Variants in EMCN observed in about 807,000 individuals in gnomAD.
EMCN encodes endomucin, also known as MUC-14.
Under a neutral mutation model 38.4 loss-of-function variants are expected in EMCN, and 37 were observed. The observed-to-expected ratio is 0.96, with a 90% CI of 0.74 to 1.27. The LOEUF (loss-of-function observed/expected upper bound fraction) is 1.27, where lower values mean the gene tolerates loss of function less well. Among genes scored for constraint, EMCN ranks in the 50% most tolerant of loss-of-function variants. EMCN has a pLI of 0.00. For missense variants in EMCN, 318 were observed against 302.8 expected (o/e 1.05, Z -0.37); for synonymous variants, 95 against 100.8 (o/e 0.94, Z 0.35).
Position 100,437,754 on chromosome 4 carries a change from C to G in EMCN, c.415+9779G>C, listed in dbSNP as rs1162579580. 3.3e-5 allele frequency among the ~76,000 whole-genome samples: 5 copies of G among 152,008 alleles called. No homozygotes were observed. In the South Asian group the frequency reaches 1.0e-3, roughly 31 times the overall value. On this transcript the variant is annotated intron_variant, in intron 5 of 11. Coordinates refer to ENST00000296420, the MANE Select transcript of EMCN (RefSeq NM_016242.4). ...TTTCCGGGATCTTTATTCTGTTTCACTGGTCTATGTGTCTGTTTTTATGCC... is the reference window on the plus strand; with the variant it reads ...TTTCCGGGATCTTTATTCTGTTTCAGTGGTCTATGTGTCTGTTTTTATGCC...
At chr4:100,462,475 T>C (rs357654) in intron 4 of EMCN, among the ~76,000 whole-genome samples, 124,441 of 152,098 alleles carry the variant, frequency 0.82, 52,309 homozygotes, top group South Asian at 0.96. Flanking sequence ...TGAATGACAT[T>C]TTCTTCCTCA....
chr4:100,402,369 G>A (rs539177140), intron 11 of EMCN, among the ~76,000 whole-genome samples: 1 of 152,010 alleles, frequency 6.6e-6, no homozygotes, highest in Admixed American at 6.6e-5. Context: ...GTTTCATGAG[G>A]GTTCAAGACT....
chr4:100,408,772 G>A (rs1032953674), intron 11 of EMCN, among the ~76,000 whole-genome samples: 1 of 152,106 alleles, frequency 6.6e-6, no homozygotes, highest in Non-Finnish European at 1.5e-5. Context: ...AGGGACCTTG[G>A]CATGCCACTC....
At chr4:100,432,334 T>C (rs575395473) in intron 5 of EMCN, among the ~76,000 whole-genome samples, 2 of 152,198 alleles carry the variant, frequency 1.3e-5, no homozygotes, top group Non-Finnish European at 2.9e-5. Flanking sequence ...TAAAAATTAC[T>C]CTATCCTCTG....
At chr4:100,499,254 A>G (rs1729288541) in intron 1 of EMCN, among the ~76,000 whole-genome samples, 1 of 152,202 alleles carries the variant, frequency 6.6e-6, no homozygotes, top group South Asian at 2.1e-4. Context: ...ATTAATTGAA[A>G]ATAGTTAACA....
chr4:100,439,107 A>G (rs898894552), intron 5 of EMCN, among the ~76,000 whole-genome samples: 1 of 152,062 alleles, frequency 6.6e-6, no homozygotes, highest in Non-Finnish European at 1.5e-5. Context: ...TTAGGTATCA[A>G]GGTGATGTGG....
At chr4:100,505,626 C>T (rs145674620) in intron 1 of EMCN, among the ~76,000 whole-genome samples, 1 of 152,186 alleles carries the variant, frequency 6.6e-6, no homozygotes, top group Non-Finnish European at 1.5e-5. Flanking sequence ...TTTTGAGGAA[C>T]CCTTGAAAAT....
chr4:100,505,646 A>G (rs1729462451), intron 1 of EMCN, among the ~76,000 whole-genome samples: 1 of 152,138 alleles, frequency 6.6e-6, no homozygotes, highest in South Asian at 2.1e-4. Flanking sequence ...TACACCATTC[A>G]GCAGTTGGGC....
rs750616835 is a variant in EMCN at position 100,423,383 on chromosome 4, G to A, written c.437C>T (p.Ala146Val). The A allele has an allele frequency of 2.5e-6, 4 of 1,612,182 alleles. No individual in the cohort carries two copies. The highest frequency in any genetic ancestry group is 3.4e-6 in the Non-Finnish European group (4 of 1,178,658). The change falls in exon 6 of 12, where the codon GCA (alanine) becomes GTA (valine). Residue 146 changes from alanine (A) to valine (V), a missense_variant. By Grantham distance (64) the Ala-to-Val change is moderately conservative (BLOSUM62 0). Coordinates refer to ENST00000296420, the MANE Select transcript of EMCN (RefSeq NM_016242.4). Reference sequence around the variant, plus strand: ...TAATGTACCAGTTTTAGAAGGTGATGCATCTGGTTGTAGAACACTACCTGT... The same window carrying A: ...TAATGTACCAGTTTTAGAAGGTGATACATCTGGTTGTAGAACACTACCTGT... ...EIPGSVLQPD[A>V]SPSKTGTLTS...
intron 11 of EMCN, among the ~76,000 whole-genome samples, chr4:100,409,859 T>C (rs542215781): frequency 1.8e-4 from 28 of 152,372 alleles, no homozygotes; most frequent in African/African-American, 6.5e-4. Flanking sequence ...TTTACTTTAA[T>C]GCAGTTTCTA....
chr4:100,400,353 A>AT (rs3214622), intron 11 of EMCN, among the ~76,000 whole-genome samples: 38,536 of 146,562 alleles, frequency 0.26, 5,108 homozygotes, highest in Middle Eastern at 0.35. Context: ...CCTAGGCCAC[A>AT]TTTTTTTTTT....
chr4:100,461,012 C>A (rs1343280518), intron 4 of EMCN, among the ~76,000 whole-genome samples: 1 of 152,210 alleles, frequency 6.6e-6, no homozygotes, highest in African/African-American at 2.4e-5. Context: ...ATAAAATTCA[C>A]TGTCCTTACC....
At chr4:100,420,269 T>C (rs183064451) in intron 8 of EMCN, among the ~76,000 whole-genome samples, 1 of 152,192 alleles carries the variant, frequency 6.6e-6, no homozygotes, top group Admixed American at 6.6e-5. Flanking sequence ...ATAAATGATA[T>C]AATCCAAATC....
Position 100,410,363 on chromosome 4 carries a change from C to A in EMCN, c.752-8G>T, listed in dbSNP as rs1331440685. 1.9e-6 allele frequency: 3 copies of A among 1,613,416 alleles called. No individual in the cohort carries two copies. The highest frequency in any genetic ancestry group is 3.3e-5 in the Admixed American group (2 of 60,002). ...CTTGTGCAGAGTGCTCACCTGAGAA[C>A]AGAAGATATGTTTTGATCTGTAAGC... On this transcript the variant is annotated splice_polypyrimidine_tract_variant and splice_region_variant and intron_variant, in intron 10 of 11. Transcript: ENST00000296420.
chr4:100,452,799 A>C (rs943825775), intron 4 of EMCN, among the ~76,000 whole-genome samples: 3 of 152,196 alleles, frequency 2.0e-5, no homozygotes, highest in Admixed American at 2.0e-4. Flanking sequence ...TACAGTAACC[A>C]AAACAGCATG....
At chr4:100,467,324 A>G (rs1728343485) in intron 3 of EMCN, among the ~76,000 whole-genome samples, 1 of 152,198 alleles carries the variant, frequency 6.6e-6, no homozygotes, top group Non-Finnish European at 1.5e-5. Context: ...ATATACAGAA[A>G]TGCTTCAAAT....
chr4:100,457,474 A>T (rs1487096970), intron 4 of EMCN, among the ~76,000 whole-genome samples: 2 of 152,154 alleles, frequency 1.3e-5, no homozygotes, highest in South Asian at 2.1e-4. Flanking sequence ...GGCAATTTTT[A>T]AAAATTTATA....
chr4:100,418,248 G>T (rs1380017670), intron 8 of EMCN, among the ~76,000 whole-genome samples: 2 of 152,044 alleles, frequency 1.3e-5, no homozygotes, highest in African/African-American at 4.8e-5. Flanking sequence ...GTTTTAAAAT[G>T]AGTTTTTTTC....
At chr4:100,455,070 A>G (rs1727972059) in intron 4 of EMCN, among the ~76,000 whole-genome samples, 1 of 152,090 alleles carries the variant, frequency 6.6e-6, no homozygotes, top group Non-Finnish European at 1.5e-5. Flanking sequence ...GATTTTAAGT[A>G]CACAATCTGA....
Sources: allele counts gnomAD v4.1 joint callset (sites outside exome capture counted in the v4.1 genomes callset), GRCh38; gene constraint gnomAD v4.1.1; transcripts MANE v1.5; gene names NCBI Gene and HGNC (gene_info 2026-07-23, HGNC 2026-07-21).